The following ATRN variants were observed in gnomAD, a reference collection of about 807,000 sequenced individuals.
The protein encoded by ATRN is attractin-2.
ATRN carries 54 observed loss-of-function variants against 178.7 expected under a neutral mutation model. The observed-to-expected ratio is 0.30, with a 90% confidence interval of 0.24 to 0.38. The LOEUF (loss-of-function observed/expected upper bound fraction) is 0.38, where lower values mean the gene tolerates loss of function less well. Ranked by LOEUF, ATRN falls within the 10% of genes least tolerant of loss-of-function variation. ATRN has a pLI of 1.00. For missense variants in ATRN, 1,443 were observed against 1,815.1 expected (o/e 0.79, Z 3.73); for synonymous variants, 636 against 663.0 (o/e 0.96, Z 0.63).
intron 1 of ATRN, among the ~76,000 whole-genome samples, chr20:3,509,439 C>T (rs1444304160): frequency 2.0e-5 from 3 of 151,690 alleles, no homozygotes; most frequent in Non-Finnish European, 4.4e-5. Context: ...TGTGTGTGTA[C>T]CTAATAATGT....
intron 1 of ATRN, among the ~76,000 whole-genome samples, chr20:3,473,559 A>G (rs1348327135): frequency 2.0e-5 from 3 of 152,236 alleles, no homozygotes; most frequent in East Asian, 1.9e-4. Flanking sequence ...GTTCACGCCT[A>G]TTTTCATGAC....
At chr20:3,482,014 A>G (rs2084628942) in intron 1 of ATRN, among the ~76,000 whole-genome samples, 1 of 151,836 alleles carries the variant, frequency 6.6e-6, no homozygotes, top group Non-Finnish European at 1.5e-5. Context: ...TTTTAAATTC[A>G]CAGATCCTTT....
intron 3 of ATRN, among the ~76,000 whole-genome samples, chr20:3,542,354 AGC>A (rs1568718054): frequency 1.3e-5 from 2 of 152,230 alleles, no homozygotes; most frequent in Non-Finnish European, 2.9e-5. Flanking sequence ...ACATGAGCCA[AGC>A]AGGTATACAT....
chr20:3,523,345 G>A (rs981654508), intron 1 of ATRN, among the ~76,000 whole-genome samples: 1 of 151,798 alleles, frequency 6.6e-6, no homozygotes. Context: ...ATGAAATAAA[G>A]CATGAAGACA....
At chr20:3,498,124 T>C (rs2084906987) in intron 1 of ATRN, among the ~76,000 whole-genome samples, 1 of 152,130 alleles carries the variant, frequency 6.6e-6, no homozygotes, top group Admixed American at 6.6e-5. Flanking sequence ...CTCCCAAGAC[T>C]AAACCAGGAA....
intron 25 of ATRN, chr20:3,628,856 T>G (rs1262042538): frequency 2.7e-5 from 27 of 981,914 alleles, no homozygotes; most frequent in Non-Finnish European, 3.3e-5. Flanking sequence ...CTGCCTATTA[T>G]GCAATCTTTT....
intron 27 of ATRN, among the ~76,000 whole-genome samples, chr20:3,643,101 C>T (rs955089829): frequency 2.6e-5 from 4 of 152,148 alleles, no homozygotes; most frequent in Admixed American, 6.5e-5. Context: ...GCTGGGATTA[C>T]AGGTGTGAGC....
At chr20:3,519,681 G>A (rs187145160) in intron 1 of ATRN, among the ~76,000 whole-genome samples, 52 of 152,214 alleles carry the variant, frequency 3.4e-4, no homozygotes, top group Middle Eastern at 3.4e-3. Context: ...AGAGGTCACC[G>A]CTAAAGAACC....
intron 18 of ATRN, among the ~76,000 whole-genome samples, chr20:3,590,407 T>C (rs982147068): frequency 3.9e-5 from 6 of 152,256 alleles, no homozygotes; most frequent in Non-Finnish European, 8.8e-5. Flanking sequence ...TTGTGCACTA[T>C]GTAAATGTTT....
rs937649663 is a variant in ATRN at position 3,648,689 on chromosome 20, A to G, written c.*1842A>G. 3 of 151,372 alleles carry G rather than the reference A, an allele frequency of 2.0e-5. No individual in the cohort carries two copies. The highest frequency in any genetic ancestry group is 4.9e-5 in the African/African-American group (2 of 41,210). The allele number at this position is 151,372 out of a possible 1,614,324, so 9.4% of individuals were successfully genotyped here. A position where few individuals can be genotyped will look rare whatever the true frequency, so the allele number is the denominator to read the frequency against. On this transcript the variant is annotated 3_prime_UTR_variant, in exon 29 of 29. Coordinates refer to ENST00000262919, the MANE Select transcript of ATRN (RefSeq NM_139321.3). ...ATGCACAGAACACCTCTACTTTGAG[A>G]CTCACCTCTCATAAAGCTTCTTTTT...
rs756971061 is a variant in ATRN, at chr20:3,594,498, C to T, written c.3342C>T (p.His1114=). Reference sequence around the variant, plus strand: ...CTGCAGCATGCAAGTGCAATGGGCACGCGTCTCTGTGCAACACCAACACGG... The same window carrying T: ...CTGCAGCATGCAAGTGCAATGGGCATGCGTCTCTGTGCAACACCAACACGG... The part of the protein sequence containing the change: ...GKCQPCKCNG[H]ASLCNTNTGK... Residue 1114 remains histidine, a synonymous_variant, in exon 20 of 29, where the codon CAC becomes CAT. Coordinates refer to ENST00000262919, the MANE Select transcript of ATRN (RefSeq NM_139321.3). 3.8e-5 allele frequency: 61 copies of T among 1,611,026 alleles called. No individual in the cohort carries two copies. Among genetic ancestry groups the T allele is most frequent in the East Asian group, 8.9e-5 (4 of 44,814 alleles).
At chr20:3,635,222 GGGGGAT>G (rs1307919424) in intron 26 of ATRN, among the ~76,000 whole-genome samples, 6 of 151,706 alleles carry the variant, frequency 4.0e-5, no homozygotes, top group African/African-American at 1.5e-4. Context: ...AAGAGTGGGA[GGGGGAT>G]GAGGGATAAA....
intron 1 of ATRN, among the ~76,000 whole-genome samples, chr20:3,498,048 A>G (rs1256722176): frequency 1.3e-5 from 2 of 152,188 alleles, no homozygotes; most frequent in Admixed American, 1.3e-4. Flanking sequence ...AGAATACTAC[A>G]AACACCTCTA....
intron 1 of ATRN, among the ~76,000 whole-genome samples, chr20:3,508,913 A>G (rs2085083838): frequency 1.3e-5 from 2 of 152,206 alleles, no homozygotes; most frequent in Admixed American, 1.3e-4. Flanking sequence ...TTGATAAATC[A>G]GGGATGCAAG....
At chr20:3,478,341 A>G (rs967651845) in intron 1 of ATRN, among the ~76,000 whole-genome samples, 2 of 152,212 alleles carry the variant, frequency 1.3e-5, no homozygotes, top group Admixed American at 6.5e-5. Context: ...CTGGATAAAG[A>G]AAATGTGGCA....
At position 3,605,526 on chromosome 20, in the gene ATRN, C is replaced by T. The variant is rs543256997; in HGVS notation, c.3801+1264C>T. Among the ~76,000 whole-genome samples the T allele has an allele frequency of 2.0e-5, 3 of 152,144 alleles. No individual in the cohort carries two copies. The South Asian group carries it at 6.2e-4, about 32-fold the overall frequency. ...AACCTAAATGCCCATCAGTGATAGACTGGATAAAGAAAATGTGGTACATAT... is the reference window on the plus strand; with the variant it reads ...AACCTAAATGCCCATCAGTGATAGATTGGATAAAGAAAATGTGGTACATAT... On this transcript the variant is annotated intron_variant, in intron 24 of 28. Transcript: ENST00000262919.
intron 6 of ATRN, among the ~76,000 whole-genome samples, chr20:3,553,899 T>G (rs1370006897): frequency 6.6e-6 from 1 of 152,242 alleles, no homozygotes; most frequent in Non-Finnish European, 1.5e-5. Flanking sequence ...TGTTAGTGAT[T>G]TTTTGTTATG....
chr20:3,584,414 C>T (rs952034845), intron 17 of ATRN, among the ~76,000 whole-genome samples: 1 of 152,188 alleles, frequency 6.6e-6, no homozygotes, highest in African/African-American at 2.4e-5. Flanking sequence ...AATAGATAAT[C>T]TCTAAGGTCC....
chr20:3,545,942 A>G (rs1241275894), intron 4 of ATRN, 52 bp downstream of exon 4: 1 of 1,576,456 alleles, frequency 6.3e-7, no homozygotes, highest in Non-Finnish European at 8.7e-7. Context: ...ACTATCTACT[A>G]TGTTTTAACA....
Sources: gnomAD v4.1 joint callset for allele counts (sites outside exome capture counted in the v4.1 genomes callset) on GRCh38, gnomAD v4.1.1 for gene constraint, MANE v1.5 for transcripts, NCBI Gene and HGNC (gene_info 2026-07-23, HGNC 2026-07-21) for gene names.